PAXBP1: variants seen among roughly 807,000 people sequenced by gnomAD.
PAXBP1 encodes the protein PAX3- and PAX7-binding protein 1.
Under a neutral mutation model 119.9 loss-of-function variants are expected in PAXBP1, and 44 were observed. That is an observed-to-expected ratio of 0.37 (90% CI 0.29 to 0.47). The LOEUF (loss-of-function observed/expected upper bound fraction) is 0.47. Ranked by LOEUF, PAXBP1 falls within the 20% of genes least tolerant of loss-of-function variation. The probability of loss-of-function intolerance (pLI) is 0.99; values close to 1 mark genes in which losing one functional copy is unlikely to be tolerated. For synonymous variants in PAXBP1, 393 were observed against 406.6 expected (o/e 0.97, Z 0.40); for missense variants, 898 against 1,134.1 (o/e 0.79, Z 2.99).
At chr21:32,761,952 CTGTT>C (rs1430275883) in intron 4 of PAXBP1, 140 bp downstream of exon 4, 3 of 777,700 alleles carry the variant, frequency 3.9e-6, no homozygotes, top group African/African-American at 1.7e-5. Context: ...ACAAGGGTGA[CTGTT>C]TGAGTCCACG....
At chr21:32,755,527 T>A (rs2044030387) in intron 7 of PAXBP1, 174 bp from the exon 8 acceptor site, 2 of 697,990 alleles carry the variant, frequency 2.9e-6, no homozygotes, top group South Asian at 2.3e-5. Context: ...AAACGACACT[T>A]CTTCTTTTAA....
rs1268609921 is a variant in PAXBP1, at chr21:32,734,380, T to G, written c.*570A>C. On this transcript the variant is annotated 3_prime_UTR_variant, in exon 18 of 18. Coordinates refer to ENST00000331923, the MANE Select transcript of PAXBP1 (RefSeq NM_016631.4). Reference sequence around the variant, plus strand: ...TCTAACGCTGATTCAAGGAAGAAAGTTCAACATTCACTCAATGACTAAGTC... The same window carrying G: ...TCTAACGCTGATTCAAGGAAGAAAGGTCAACATTCACTCAATGACTAAGTC... 1.3e-5 allele frequency: 2 copies of G among 152,964 alleles called. No homozygotes were observed. Among genetic ancestry groups the G allele is most frequent in the Non-Finnish European group, 2.9e-5 (2 of 68,270 alleles). The allele number at this position is 152,964 out of a possible 1,614,324, so 9.5% of individuals were successfully genotyped here.
intron 15 of PAXBP1, 105 bp downstream of exon 15, chr21:32,743,143 A>G (rs539295784): frequency 9.5e-6 from 8 of 842,140 alleles, no homozygotes; most frequent in Non-Finnish European, 1.6e-5. Context: ...ATAGATATAA[A>G]TAGATCTAAG....
intron 7 of PAXBP1, among the ~76,000 whole-genome samples, chr21:32,758,336 G>A: frequency 6.7e-6 from 1 of 148,956 alleles, no homozygotes. Flanking sequence ...TTTTTTTAAA[G>A]ATAAGGCTGC....
At position 32,759,953 on chromosome 21, in the gene PAXBP1, C is replaced by T. The variant is rs1057013863; in HGVS notation, c.1017G>A (p.Gln339=). ...CGTAAGGCATTGTCTGGTAAGTGTT[C>T]TGGTAGTACATATTCACTTCTGCGG... ...SQPAEVNMYY[Q]NTYQTMPYGS... The change falls in exon 6 of 18, where the codon CAG becomes CAA. Residue 339 remains glutamine (Q), a synonymous_variant. Coordinates refer to ENST00000331923, the MANE Select transcript of PAXBP1 (RefSeq NM_016631.4). 1 of 1,614,050 alleles carries T rather than the reference C, an allele frequency of 6.2e-7. No homozygotes were observed. Among genetic ancestry groups the T allele is most frequent in the African/African-American group, 1.3e-5 (1 of 75,016 alleles).
intron 15 of PAXBP1, among the ~76,000 whole-genome samples, chr21:32,739,688 C>T (rs1293746330): frequency 6.6e-6 from 1 of 151,662 alleles, no homozygotes; most frequent in Non-Finnish European, 1.5e-5. Flanking sequence ...GGGCAGATCA[C>T]GAGGTCAGGA....
chr21:32,759,939 G>A lies in PAXBP1; in HGVS notation c.1031C>T (p.Thr344Ile), dbSNP rs756333541. 1.2e-6 allele frequency: 2 copies of A among 1,614,112 alleles called. No individual in the cohort carries two copies. The highest frequency in any genetic ancestry group is 2.2e-5 in the South Asian group (2 of 91,084). Residue 344 changes from threonine to isoleucine, a missense_variant, in exon 6 of 18, where the codon ACA becomes ATA. Thr to Ile is a moderately conservative substitution (Grantham distance 89). Around this residue, in one of 2 missense-constraint regions of PAXBP1, gnomAD observed 599 missense variants for 852.7 expected, o/e 0.70. Coordinates refer to ENST00000331923, the MANE Select transcript of PAXBP1 (RefSeq NM_016631.4). ...VNMYYQNTYQ[T>I]MPYGSSYGIP... Reference sequence around the variant, plus strand: ...GCCATAGGATGAGCCGTAAGGCATTGTCTGGTAAGTGTTCTGGTAGTACAT... The same window carrying A: ...GCCATAGGATGAGCCGTAAGGCATTATCTGGTAAGTGTTCTGGTAGTACAT...
intron 8 of PAXBP1, among the ~76,000 whole-genome samples, chr21:32,754,960 T>C (rs547600424): frequency 9.2e-5 from 14 of 152,288 alleles, no homozygotes; most frequent in African/African-American, 2.6e-4. Flanking sequence ...GTCTTTTCTA[T>C]ACTCTAAAGG....
chr21:32,755,489 A>C (rs2044029514), intron 7 of PAXBP1, 136 bp from the exon 8 acceptor site: 1 of 1,121,734 alleles, frequency 8.9e-7, no homozygotes, highest in Non-Finnish European at 1.2e-6. Flanking sequence ...AACAGCACAC[A>C]AGTAGCAAAT....
At chr21:32,764,295 G>A in intron 3 of PAXBP1, 53 bp downstream of exon 3, 1 of 1,520,990 alleles carries the variant, frequency 6.6e-7, no homozygotes, top group Non-Finnish European at 9.0e-7. Flanking sequence ...CTTTAAAGAT[G>A]GCCCATTCTT....
chr21:32,748,358 C>A, intron 11 of PAXBP1, 141 bp downstream of exon 11: 1 of 638,340 alleles, frequency 1.6e-6, no homozygotes, highest in South Asian at 2.5e-5. Context: ...AAGATTATAA[C>A]CAGATACAAT....
At position 32,748,679 on chromosome 21, in the gene PAXBP1, G is replaced by A. The variant is rs140333561; in HGVS notation, c.1743C>T (p.Ser581=). The change falls in exon 11 of 18, where the codon TCC becomes TCT. Residue 581 remains serine, a synonymous_variant. Coordinates refer to ENST00000331923, the MANE Select transcript of PAXBP1 (RefSeq NM_016631.4). ...CAAGGACATCTTCAAAAACTTTGCC[G>A]GATTCTTTTGAAATTCGATCTAAAA... The part of the protein sequence containing the change: ...NLEKDRISKE[S]GKVFEDVLES... The A allele has an allele frequency of 3.8e-5, 61 of 1,610,186 alleles. No individual in the cohort carries two copies. The highest frequency in any genetic ancestry group is 2.1e-4 in the African/African-American group (16 of 74,880).
In PAXBP1 at chr21:32,737,405, T is replaced by C. The variant is rs776036603; in HGVS notation, c.2485A>G (p.Ile829Val). ...AACCATTGTTTGGGGAAACAATTGATTACCTGTGGAGAAGAAAGACGTAAA... is the reference window on the plus strand; with the variant it reads ...AACCATTGTTTGGGGAAACAATTGACTACCTGTGGAGAAGAAAGACGTAAA... Reference protein sequence around the residue: ...DDSIKKAQNVINCFPKQWFMN... With the variant: ...DDSIKKAQNVVNCFPKQWFMN... Residue 829 changes from isoleucine to valine, a missense_variant, in exon 17 of 18, where the codon ATC becomes GTC. Physicochemically the swap from Ile to Val is conservative, Grantham distance 29. Transcript: ENST00000331923. 3.1e-6 allele frequency: 5 copies of C among 1,597,216 alleles called. No individual in the cohort carries two copies. In the East Asian group the frequency reaches 9.0e-5, roughly 29 times the overall value.
At chr21:32,769,211 A>G (rs1207835857) in intron 2 of PAXBP1, among the ~76,000 whole-genome samples, 1 of 152,220 alleles carries the variant, frequency 6.6e-6, no homozygotes, top group African/African-American at 2.4e-5. Flanking sequence ...ACCATAGAAT[A>G]TTATACTGGA....
intron 7 of PAXBP1, among the ~76,000 whole-genome samples, chr21:32,758,248 T>C (rs1440467514): frequency 1.3e-5 from 2 of 151,626 alleles, no homozygotes; most frequent in Non-Finnish European, 2.9e-5. Context: ...CTAATCTACA[T>C]AGCCAATAAC....
At chr21:32,764,664 T>G in intron 2 of PAXBP1, 140 bp from the exon 3 acceptor site, 1 of 597,692 alleles carries the variant, frequency 1.7e-6, no homozygotes, top group Non-Finnish European at 2.8e-6. Context: ...CTCAATCCAG[T>G]AAAGCTTGAA....
At chr21:32,735,631 T>C (rs751368779) in intron 17 of PAXBP1, among the ~76,000 whole-genome samples, 13 of 152,236 alleles carry the variant, frequency 8.5e-5, no homozygotes, top group Non-Finnish European at 1.3e-4. Flanking sequence ...TAGAATTACC[T>C]AGAGGATTGT....
chr21:32,758,577 GA>G (rs766728650), intron 7 of PAXBP1, among the ~76,000 whole-genome samples: 10 of 136,240 alleles, frequency 7.3e-5, no homozygotes, highest in Non-Finnish European at 1.6e-4. Context: ...AATGGTTTCT[GA>G]AAGAAATCAA....
At position 32,762,451 on chromosome 21, in the gene PAXBP1, C is replaced by T. The variant is rs2044165504; in HGVS notation, c.650-134G>A. 4.1e-6 allele frequency: 5 copies of T among 1,211,798 alleles called. No individual in the cohort carries two copies. The East Asian group carries it at 1.3e-4, about 31-fold the overall frequency. The allele number at this position is 1,211,798 out of a possible 1,614,324, so 75.1% of individuals were successfully genotyped here. On this transcript the variant is annotated intron_variant, in intron 3 of 17. Transcript: ENST00000331923. ...CAGCTGCTGGCACCTCCTTCCCATA[C>T]TATGTCTGCAATCCAAAAGATTGTT...
Sources: allele counts gnomAD v4.1 joint callset (sites outside exome capture counted in the v4.1 genomes callset), GRCh38; gene constraint gnomAD v4.1.1; regional missense constraint gnomAD v4.1.1; transcripts MANE v1.5; gene names NCBI Gene and HGNC (gene_info 2026-07-23, HGNC 2026-07-21).